The following CADPS2 variants were observed in gnomAD, a reference collection of about 807,000 sequenced individuals.
CADPS2 encodes calcium-dependent secretion activator 2.
In CADPS2, 93 loss-of-function variants were observed where a neutral mutation model predicts 172.5. The observed-to-expected ratio is 0.54, with a 90% CI of 0.46 to 0.64. CADPS2 has a LOEUF of 0.64. CADPS2 is among the 30% of genes least tolerant of loss of function. The pLI is 0.00. For synonymous variants in CADPS2, 546 were observed against 555.2 expected, an observed-to-expected ratio of 0.98 and a Z score of 0.23; for missense variants, 1,420 against 1,565.9, an observed-to-expected ratio of 0.91 and a Z score of 1.57.
At chr7:122,365,913 C>T (rs1233818345) in intron 25 of CADPS2, among the ~76,000 whole-genome samples, 1 of 152,108 alleles carries the variant, frequency 6.6e-6, no homozygotes, top group Non-Finnish European at 1.5e-5. Context: ...CGGGAGGATT[C>T]CAGCTAGGGT....
chr7:122,447,084 A>G (rs1222682059), intron 15 of CADPS2, among the ~76,000 whole-genome samples: 1 of 135,710 alleles, frequency 7.4e-6, no homozygotes, highest in Non-Finnish European at 1.5e-5. Context: ...TATAAACAAA[A>G]TTCCTGTCCC....
At chr7:122,443,594 T>G (rs1371498311) in intron 15 of CADPS2, among the ~76,000 whole-genome samples, 1 of 151,434 alleles carries the variant, frequency 6.6e-6, no homozygotes, top group Non-Finnish European at 1.5e-5. Context: ...TACAGTATTT[T>G]TTTTTTTTAC....
At chr7:122,404,997 C>T (rs746351631) in intron 20 of CADPS2, among the ~76,000 whole-genome samples, 12 of 151,850 alleles carry the variant, frequency 7.9e-5, no homozygotes, top group Middle Eastern at 3.4e-3. Context: ...TGTGTGGTGG[C>T]GGGCGCCTGT....
At chr7:122,598,687 G>T (rs2072277955) in intron 6 of CADPS2, among the ~76,000 whole-genome samples, 1 of 151,952 alleles carries the variant, frequency 6.6e-6, no homozygotes, top group South Asian at 2.1e-4. Context: ...AACTAATTTT[G>T]GTAAAACAGT....
intron 2 of CADPS2, chr7:122,698,278 C>A (rs1468795737): frequency 1.2e-6 from 2 of 1,613,996 alleles, no homozygotes; most frequent in Non-Finnish European, 8.5e-7. Flanking sequence ...CCTTGCTAAA[C>A]AAAGTCTATG....
At chr7:122,486,718 G>T (rs951968841) in intron 11 of CADPS2, among the ~76,000 whole-genome samples, 3 of 152,162 alleles carry the variant, frequency 2.0e-5, no homozygotes, top group African/African-American at 7.2e-5. Context: ...TGGGCAAAAT[G>T]ATAGCAAACA....
In CADPS2 at chr7:122,848,466, A is replaced by G. The variant is rs542259762; in HGVS notation, c.339+37533T>C. ...CCAGGTCTAGGCTGAACGTTCTCAC[A>G]GTAGAGGAGCCAGGACCCCCAAAGG... On this transcript the variant is annotated intron_variant, in intron 1 of 29. Transcript: ENST00000449022. Among the ~76,000 whole-genome samples, 6 of 152,340 alleles carry G rather than the reference A, an allele frequency of 3.9e-5. No individual in the cohort carries two copies. The South Asian group carries it at 1.2e-3, about 32-fold the overall frequency.
At chr7:122,847,714 T>C (rs556567099) in intron 1 of CADPS2, among the ~76,000 whole-genome samples, 2 of 152,314 alleles carry the variant, frequency 1.3e-5, no homozygotes, top group East Asian at 1.9e-4. Flanking sequence ...TTCTAGAACA[T>C]TGTGAAGATT....
chr7:122,788,908 A>G (rs985226246), intron 1 of CADPS2, among the ~76,000 whole-genome samples: 1 of 152,166 alleles, frequency 6.6e-6, no homozygotes, highest in Non-Finnish European at 1.5e-5. Context: ...CTGCTTCAGC[A>G]ATGAAAACAG....
At chr7:122,604,137 TTC>T (rs1162105752) in intron 6 of CADPS2, among the ~76,000 whole-genome samples, 1 of 152,178 alleles carries the variant, frequency 6.6e-6, no homozygotes, top group African/African-American at 2.4e-5. Context: ...TTCAATGTAT[TTC>T]TGTTTTTAAA....
In CADPS2 at chr7:122,393,715, C is replaced by T. The variant is rs926131849; in HGVS notation, c.2747-133G>A. Reference sequence around the variant, plus strand: ...TGATAAAATGCAGATGAGAGTAGATCATACCCCCCATATTGAATATCATAT... The same window carrying T: ...TGATAAAATGCAGATGAGAGTAGATTATACCCCCCATATTGAATATCATAT... On this transcript the variant is annotated intron_variant, in intron 20 of 29. Coordinates refer to ENST00000449022, the MANE Select transcript of CADPS2 (RefSeq NM_017954.11). 6 of 815,334 alleles carry T rather than the reference C, an allele frequency of 7.4e-6. No individual in the cohort carries two copies. The African/African-American group carries it at 1.0e-4, about 14-fold the overall frequency. 50.5% of individuals were successfully genotyped at this position (815,334 alleles called of 1,614,324 possible).
intron 1 of CADPS2, among the ~76,000 whole-genome samples, chr7:122,821,012 C>A (rs1467065599): frequency 6.6e-6 from 1 of 151,588 alleles, no homozygotes; most frequent in Admixed American, 6.6e-5. Context: ...ATACCTGACG[C>A]ATATACTTTC....
intron 9 of CADPS2, 61 bp from the exon 10 acceptor site, chr7:122,491,481 GTTTTT>G: frequency 1.2e-6 from 1 of 805,106 alleles, no homozygotes; most frequent in Non-Finnish European, 1.9e-6. Flanking sequence ...TTTAACTTTC[GTTTTT>G]TTATCAAAAT....
At chr7:122,581,625 C>A (rs1310739199) in intron 6 of CADPS2, among the ~76,000 whole-genome samples, 1 of 152,082 alleles carries the variant, frequency 6.6e-6, no homozygotes, top group African/African-American at 2.4e-5. Flanking sequence ...ACCATTTTTA[C>A]TGGCAGCTGG....
chr7:122,862,502 T>A (rs1348966323), intron 1 of CADPS2, among the ~76,000 whole-genome samples: 1 of 152,052 alleles, frequency 6.6e-6, no homozygotes, highest in Non-Finnish European at 1.5e-5. Context: ...TCAGAAGGCC[T>A]CTCTCTCTCA....
At chr7:122,452,232 T>C (rs866430483) in intron 14 of CADPS2, among the ~76,000 whole-genome samples, 52 of 152,220 alleles carry the variant, frequency 3.4e-4, no homozygotes, top group African/African-American at 1.2e-3. Flanking sequence ...TGTACGGCAA[T>C]CATCTAAAAT....
chr7:122,831,995 C>A (rs1184359856), intron 1 of CADPS2, among the ~76,000 whole-genome samples: 1 of 152,160 alleles, frequency 6.6e-6, no homozygotes, highest in Non-Finnish European at 1.5e-5. Context: ...ATAATATACT[C>A]TCACTTTAGG....
intron 2 of CADPS2, among the ~76,000 whole-genome samples, chr7:122,724,673 C>T (rs1309423719): frequency 6.6e-6 from 1 of 152,054 alleles, no homozygotes; most frequent in Non-Finnish European, 1.5e-5. Flanking sequence ...GTTACATAAA[C>T]TCCGTCAGTC....
intron 28 of CADPS2, among the ~76,000 whole-genome samples, chr7:122,344,450 A>C (rs2037259192): frequency 6.6e-6 from 1 of 152,214 alleles, no homozygotes. Flanking sequence ...ACAGATACTG[A>C]ATAAATGAAA....
Sources: gnomAD v4.1 joint callset for allele counts (sites outside exome capture counted in the v4.1 genomes callset) on GRCh38, gnomAD v4.1.1 for gene constraint, MANE v1.5 for transcripts, NCBI Gene and HGNC (gene_info 2026-07-23, HGNC 2026-07-21) for gene names.